Variants in CNKSR3 observed in about 807,000 individuals in gnomAD.
CNKSR3 encodes the protein CNKSR family member 3.
Under a neutral mutation model 67.7 loss-of-function variants are expected in CNKSR3, and 36 were observed. The observed-to-expected ratio is 0.53, with a 90% CI of 0.41 to 0.70. CNKSR3 has a LOEUF of 0.70. Among genes scored for constraint, CNKSR3 ranks in the 30% least tolerant of loss-of-function variants. The pLI, the probability that CNKSR3 is intolerant of heterozygous loss-of-function variation, is 0.00. For synonymous variants in CNKSR3, 281 were observed against 271.4 expected, an observed-to-expected ratio of 1.04 and a Z score of -0.35; for missense variants, 630 against 695.2, an observed-to-expected ratio of 0.91 and a Z score of 1.05.
In CNKSR3 at chr6:154,496,623, A is replaced by T. The variant is rs78147801; in HGVS notation, c.52+13440T>A. Among the ~76,000 whole-genome samples the T allele has an allele frequency of 8.1e-3, 1,235 of 152,366 alleles. 25 individuals carry two copies. The highest frequency in any genetic ancestry group is 0.029 in the African/African-American group (1,195 of 41,580). On this transcript the variant is annotated intron_variant, in intron 1 of 12. Transcript: ENST00000607772. ...TCTCAGAATTTTAATGTATGAGAGC[A>T]TTAGAACCTAAAAACATGAAGGGAC...
Position 154,450,188 on chromosome 6 carries a change from C to T in CNKSR3, c.123G>A (p.Leu41=). ...CCTCCAGGTCCTGATGGGAAATCTG[C>T]AGCAGCTGCTCGCCGTTGATCTTCT... ...EREKINGEQL[L]QISHQDLEEL... is the part of the protein sequence containing the mutation. Residue 41 remains leucine (L), a synonymous_variant, in exon 2 of 13, where the codon CTG becomes CTA. Transcript: ENST00000607772. The T allele has an allele frequency of 6.2e-7, 1 of 1,614,202 alleles. No homozygotes were observed. Among genetic ancestry groups the T allele is most frequent in the Non-Finnish European group, 8.5e-7 (1 of 1,180,042 alleles).
intron 1 of CNKSR3, among the ~76,000 whole-genome samples, chr6:154,462,838 C>T (rs1219935767): frequency 6.6e-6 from 1 of 152,222 alleles, no homozygotes; most frequent in Non-Finnish European, 1.5e-5. Context: ...CATTATGCTG[C>T]AGCGAGCCCC....
chr6:154,430,970 GT>G (rs1216528110), intron 5 of CNKSR3, among the ~76,000 whole-genome samples: 4 of 149,900 alleles, frequency 2.7e-5, no homozygotes, highest in Non-Finnish European at 5.9e-5. Flanking sequence ...AAAAAAAATT[GT>G]TTTGAGACTA....
At chr6:154,468,093 T>TC (rs1786245093) in intron 1 of CNKSR3, among the ~76,000 whole-genome samples, 1 of 147,840 alleles carries the variant, frequency 6.8e-6, no homozygotes, top group Non-Finnish European at 1.5e-5. Flanking sequence ...TTTTTTTTTT[T>TC]TGAGACAGGG....
At chr6:154,422,216 T>A (rs1342945445) in intron 9 of CNKSR3, among the ~76,000 whole-genome samples, 1 of 152,050 alleles carries the variant, frequency 6.6e-6, no homozygotes, top group Non-Finnish European at 1.5e-5. Context: ...ATGGTCTCGA[T>A]CTCCTGACCT....
At chr6:154,492,825 A>T (rs1346314629) in intron 1 of CNKSR3, among the ~76,000 whole-genome samples, 3 of 151,870 alleles carry the variant, frequency 2.0e-5, no homozygotes, top group East Asian at 3.9e-4. Context: ...TCAGGAGATG[A>T]CAACTCTATC....
chr6:154,428,999 C>T (rs73790967), intron 6 of CNKSR3, among the ~76,000 whole-genome samples: 9,741 of 152,212 alleles, frequency 0.064, 538 homozygotes, highest in East Asian at 0.21. Flanking sequence ...AGACACCCCT[C>T]CTTTTAAGGG....
intron 9 of CNKSR3, among the ~76,000 whole-genome samples, chr6:154,415,909 G>A (rs1785015483): frequency 6.6e-6 from 1 of 152,152 alleles, no homozygotes; most frequent in African/African-American, 2.4e-5. Flanking sequence ...GAACAGCAAG[G>A]AAATCTTGGA....
intron 2 of CNKSR3, among the ~76,000 whole-genome samples, chr6:154,445,360 G>A (rs1785688059): frequency 6.6e-6 from 1 of 152,102 alleles, no homozygotes; most frequent in Non-Finnish European, 1.5e-5. Context: ...ACAAAAATAA[G>A]ATGGATTTGC....
intron 5 of CNKSR3, among the ~76,000 whole-genome samples, chr6:154,431,657 C>G (rs1315178089): frequency 1.3e-5 from 2 of 151,866 alleles, no homozygotes; most frequent in Non-Finnish European, 2.9e-5. Flanking sequence ...CCTAATTATC[C>G]ACCACCCCAT....
At chr6:154,469,549 C>T (rs567244349) in intron 1 of CNKSR3, among the ~76,000 whole-genome samples, 3 of 152,190 alleles carry the variant, frequency 2.0e-5, no homozygotes, top group Non-Finnish European at 4.4e-5. Flanking sequence ...TGACACCAGT[C>T]CCATTCCATT....
chr6:154,449,280 C>T (rs1785772998), intron 2 of CNKSR3, among the ~76,000 whole-genome samples: 1 of 152,198 alleles, frequency 6.6e-6, no homozygotes, highest in Non-Finnish European at 1.5e-5. Context: ...CAAAATCAGA[C>T]ATGAAAATCA....
chr6:154,466,823 G>A (rs113640132), intron 1 of CNKSR3, among the ~76,000 whole-genome samples: 4 of 148,154 alleles, frequency 2.7e-5, no homozygotes, highest in Non-Finnish European at 5.9e-5. Flanking sequence ...ACAGGGTCTC[G>A]ATATGTTGTC....
intron 10 of CNKSR3, 94 bp from the exon 11 acceptor site, chr6:154,411,236 ATAATT>A (rs1784905727): frequency 2.3e-6 from 2 of 858,862 alleles, no homozygotes; most frequent in Non-Finnish European, 3.6e-6. Flanking sequence ...CACACAGAAG[ATAATT>A]TAAATTCTCC....
Position 154,406,443 on chromosome 6 carries a change from T to G in CNKSR3, c.1579A>C (p.Lys527Gln). Residue 527 changes from lysine (K) to glutamine (Q), a missense_variant, in exon 13 of 13, where the codon AAA becomes CAA. Physicochemically the swap from Lys to Gln is moderately conservative, Grantham distance 53 (BLOSUM62 1). Coordinates refer to ENST00000607772, the MANE Select transcript of CNKSR3 (RefSeq NM_173515.4). Reference protein sequence around the residue: ...IPFQEEGTKKKSGSSATKSSS... With the variant: ...IPFQEEGTKKQSGSSATKSSS... Reference sequence around the variant, plus strand: ...GACTTCGTAGCTGAGGAGCCAGATTTCTTTTTGGTCCCTTCCTCCTGGAAT... The same window carrying G: ...GACTTCGTAGCTGAGGAGCCAGATTGCTTTTTGGTCCCTTCCTCCTGGAAT... 1 of 1,614,168 alleles carries G rather than the reference T, an allele frequency of 6.2e-7. No individual in the cohort carries two copies. Among genetic ancestry groups the G allele is most frequent in the South Asian group, 1.1e-5 (1 of 91,078 alleles).
In CNKSR3 at chr6:154,401,375, G is replaced by C. The variant is rs1784716089; in HGVS notation, c.*4979C>G. The stretch of plus-strand genomic sequence containing the variant: ...CCTTTCTCTCTCTCTGCCATGTAAG[G>C]ATGCAATGGGAAGATGATGGCTATC... On this transcript the variant is annotated 3_prime_UTR_variant, in exon 13 of 13. Transcript: ENST00000607772. The C allele has an allele frequency of 6.6e-6, 1 of 152,206 alleles. No homozygotes were observed. Among genetic ancestry groups the C allele is most frequent in the Non-Finnish European group, 1.5e-5 (1 of 68,086 alleles). The allele number at this position is 152,206 out of a possible 1,614,324, so 9.4% of individuals were successfully genotyped here.
chr6:154,456,032 CA>C (rs1413186651), intron 1 of CNKSR3, among the ~76,000 whole-genome samples: 6 of 151,786 alleles, frequency 4.0e-5, no homozygotes, highest in African/African-American at 1.5e-4. Flanking sequence ...ACAACAACAA[CA>C]AAAAACTATG....
chr6:154,476,219 G>A (rs1043818149), intron 1 of CNKSR3, among the ~76,000 whole-genome samples: 96 of 152,172 alleles, frequency 6.3e-4, no homozygotes, highest in African/African-American at 2.3e-3. Context: ...CACTTTGGGA[G>A]GCCAAGGTGG....
At chr6:154,504,303 C>T (rs556236670) in intron 1 of CNKSR3, among the ~76,000 whole-genome samples, 16 of 152,306 alleles carry the variant, frequency 1.1e-4, no homozygotes, top group South Asian at 2.1e-4. Context: ...AGCTGGTAAA[C>T]GGCAGAGAAA....
Sources: gnomAD v4.1 joint callset for allele counts (sites outside exome capture counted in the v4.1 genomes callset) on GRCh38, gnomAD v4.1.1 for gene constraint, MANE v1.5 for transcripts, NCBI Gene and HGNC (gene_info 2026-07-23, HGNC 2026-07-21) for gene names.